The following RAD51B variants were observed in gnomAD, a reference collection of about 807,000 sequenced individuals.
RAD51B encodes the protein DNA repair protein RAD51 homolog 2.
A neutral mutation model predicts 42.2 loss-of-function variants in RAD51B; 38 were observed. The ratio of observed to expected loss-of-function variants is 0.90; its 90% confidence interval spans 0.70 to 1.18. The LOEUF (loss-of-function observed/expected upper bound fraction) is 1.18, where lower values mean the gene tolerates loss of function less well. Ranked by LOEUF, RAD51B falls within the 50% of genes most tolerant of loss-of-function variation. The pLI is 0.00. For missense variants in RAD51B, 373 were observed against 400.7 expected (o/e 0.93, Z 0.59); for synonymous variants, 154 against 145.2 (o/e 1.06, Z -0.43).
chr14:68,151,182 A>G lies in RAD51B; in HGVS notation c.757-140702A>G, dbSNP rs1402780840. On this transcript the variant is annotated intron_variant, in intron 7 of 10. Coordinates refer to ENST00000471583, the MANE Select transcript of RAD51B (RefSeq NM_133510.4). ...TGAAAGATATCTTTGTTGGGTATAG[A>G]ATTCTAGATTGATAGATTTTTTTCT... Among the ~76,000 whole-genome samples the G allele has an allele frequency of 2.6e-5, 4 of 151,884 alleles. No homozygotes were observed. The East Asian group carries it at 5.8e-4, about 22-fold the overall frequency.
chr14:67,820,133 C>G (rs1051843421), intron 1 of RAD51B, among the ~76,000 whole-genome samples: 1 of 152,110 alleles, frequency 6.6e-6, no homozygotes, highest in East Asian at 1.9e-4. Context: ...CTGTTGCTGC[C>G]CATCTTCCTC....
intron 10 of RAD51B, among the ~76,000 whole-genome samples, chr14:68,601,639 C>T (rs1891222373): frequency 6.6e-6 from 1 of 152,152 alleles, no homozygotes; most frequent in African/African-American, 2.4e-5. Flanking sequence ...ACAGGGCTCC[C>T]ATCACTCAGC....
chr14:68,362,583 C>T (rs888021937), intron 8 of RAD51B, among the ~76,000 whole-genome samples: 2 of 152,154 alleles, frequency 1.3e-5, no homozygotes, highest in Non-Finnish European at 2.9e-5. Flanking sequence ...GGCGCAGTGG[C>T]TCACACCTGT....
chr14:68,250,123 G>C (rs2080590365), intron 7 of RAD51B, among the ~76,000 whole-genome samples: 1 of 152,150 alleles, frequency 6.6e-6, no homozygotes, highest in African/African-American at 2.4e-5. Context: ...ACTTTAGTCT[G>C]GCTTGGCTCC....
At chr14:68,153,375 A>C (rs1293135289) in intron 7 of RAD51B, among the ~76,000 whole-genome samples, 1 of 152,178 alleles carries the variant, frequency 6.6e-6, no homozygotes, top group African/African-American at 2.4e-5. Flanking sequence ...TGATTTACTG[A>C]ATGGTAGTGC....
intron 7 of RAD51B, among the ~76,000 whole-genome samples, chr14:67,913,544 A>C (rs2044055875): frequency 6.6e-6 from 1 of 152,246 alleles, no homozygotes; most frequent in South Asian, 2.1e-4. Context: ...AGCTCAAATT[A>C]AGACAGTGGT....
At chr14:68,494,174 G>A (rs923032664) in intron 10 of RAD51B, among the ~76,000 whole-genome samples, 2 of 151,952 alleles carry the variant, frequency 1.3e-5, no homozygotes, top group African/African-American at 4.8e-5. Flanking sequence ...CAGCTACTCA[G>A]GAGACTGAGG....
rs1014745207 is a variant in RAD51B at position 68,245,782 on chromosome 14, C to T, written c.757-46102C>T. 8.5e-5 allele frequency among the ~76,000 whole-genome samples: 13 copies of T among 152,094 alleles called. 1 individual carries two copies. The highest frequency in any genetic ancestry group is 3.3e-4 in the Admixed American group (5 of 15,276). On this transcript the variant is annotated intron_variant, in intron 7 of 10. Coordinates refer to ENST00000471583, the MANE Select transcript of RAD51B (RefSeq NM_133510.4). Reference sequence around the variant, plus strand: ...GACTGTTCAAGATTGGTATTAAAGTCGGAGCAATGAGGTGGAGGTAGGGTT... The same window carrying T: ...GACTGTTCAAGATTGGTATTAAAGTTGGAGCAATGAGGTGGAGGTAGGGTT...
At chr14:68,164,459 C>T (rs865810964) in intron 7 of RAD51B, among the ~76,000 whole-genome samples, 7 of 151,862 alleles carry the variant, frequency 4.6e-5, no homozygotes, top group African/African-American at 1.5e-4. Flanking sequence ...CCCTGAAGTC[C>T]TTAAAAAACA....
At chr14:68,532,663 A>G (rs968752150) in intron 10 of RAD51B, among the ~76,000 whole-genome samples, 1 of 152,236 alleles carries the variant, frequency 6.6e-6, no homozygotes, top group East Asian at 1.9e-4. Flanking sequence ...CCTATCAAGA[A>G]CAGCTAACCC....
chr14:68,621,500 A>C (rs1458499761), intron 10 of RAD51B, among the ~76,000 whole-genome samples: 1 of 152,244 alleles, frequency 6.6e-6, no homozygotes, highest in East Asian at 1.9e-4. Flanking sequence ...AAAACTAAAA[A>C]GGGCAGCTGA....
intron 7 of RAD51B, among the ~76,000 whole-genome samples, chr14:67,962,187 A>G (rs1280955188): frequency 6.6e-6 from 1 of 152,182 alleles, no homozygotes; most frequent in African/African-American, 2.4e-5. Flanking sequence ...GTAAGACACA[A>G]AGATGAAAGC....
intron 10 of RAD51B, among the ~76,000 whole-genome samples, chr14:68,643,531 A>G (rs1445925103): frequency 2.0e-5 from 3 of 152,186 alleles, no homozygotes; most frequent in African/African-American, 7.2e-5. Context: ...TAAAATAAGC[A>G]AGTGCTTTAG....
chr14:68,504,998 A>T (rs554709887), intron 10 of RAD51B, among the ~76,000 whole-genome samples: 1 of 152,342 alleles, frequency 6.6e-6, no homozygotes, highest in South Asian at 2.1e-4. Context: ...TGAAATCCAT[A>T]GTATGTAAAA....
chr14:67,897,216 A>C (rs567970656), intron 7 of RAD51B, among the ~76,000 whole-genome samples: 40 of 152,354 alleles, frequency 2.6e-4, no homozygotes, highest in Middle Eastern at 3.4e-3. Context: ...CAACAAATGC[A>C]CAGGTAACAA....
chr14:67,871,702 A>G (rs1382465771), intron 5 of RAD51B, among the ~76,000 whole-genome samples: 1 of 152,118 alleles, frequency 6.6e-6, no homozygotes, highest in Non-Finnish European at 1.5e-5. Context: ...AATACTGGCA[A>G]ACCGAATCCA....
intron 7 of RAD51B, among the ~76,000 whole-genome samples, chr14:68,070,114 C>T (rs1047206385): frequency 4.0e-5 from 6 of 151,808 alleles, no homozygotes; most frequent in African/African-American, 7.3e-5. Context: ...GTACTTTGCC[C>T]GTTTTTTAAT....
chr14:68,002,380 G>GT (rs965270321), intron 7 of RAD51B, among the ~76,000 whole-genome samples: 13 of 150,702 alleles, frequency 8.6e-5, no homozygotes, highest in African/African-American at 1.5e-4. Flanking sequence ...ACTTTTTAAT[G>GT]TTTTTTTTTC....
intron 7 of RAD51B, among the ~76,000 whole-genome samples, chr14:68,048,406 A>T (rs1318403837): frequency 2.0e-5 from 3 of 152,104 alleles, no homozygotes; most frequent in South Asian, 2.1e-4. Flanking sequence ...GTTCACTCTG[A>T]TAGTAGTTTC....
Sources: gnomAD v4.1 joint callset for allele counts (sites outside exome capture counted in the v4.1 genomes callset) on GRCh38, gnomAD v4.1.1 for gene constraint, MANE v1.5 for transcripts, NCBI Gene and HGNC (gene_info 2026-07-23, HGNC 2026-07-21) for gene names.